Variants in RTN4 observed in about 807,000 individuals in gnomAD.
The protein encoded by RTN4 is reticulon-4.
In RTN4, 32 loss-of-function variants were observed where a neutral mutation model predicts 90.4. The observed-to-expected ratio is 0.35, with a 90% CI of 0.27 to 0.48. The LOEUF is 0.48. RTN4 is among the 20% of genes least tolerant of loss of function. The pLI is 0.99. For synonymous variants in RTN4, 629 were observed against 552.5 expected, an observed-to-expected ratio of 1.14 and a Z score of -1.94; for missense variants, 1,706 against 1,430.2, an observed-to-expected ratio of 1.19 and a Z score of -3.11.
Position 55,063,742 on chromosome 2 carries a change from G to A in RTN4, c.-63+16747C>T, listed in dbSNP as rs559191544. On this transcript the variant is annotated intron_variant, in intron 2 of 3. Transcript: ENST00000427710. The stretch of plus-strand genomic sequence containing the variant: ...CTGAAAATACAAAAATCAGCCGGGC[G>A]TGGTGGTGGGCGCCTGTAGTCCCAC... Among the ~76,000 whole-genome samples the A allele has an allele frequency of 1.9e-4, 29 of 152,138 alleles. No homozygotes were observed. In the South Asian group the frequency reaches 3.9e-3, roughly 21 times the overall value.
chr2:54,993,520 T>C (rs565212865), intron 3 of RTN4, among the ~76,000 whole-genome samples: 1 of 152,352 alleles, frequency 6.6e-6, no homozygotes, highest in Middle Eastern at 3.4e-3. Context: ...CAGTACTCAA[T>C]GATAGTAAGC....
intron 2 of RTN4, among the ~76,000 whole-genome samples, chr2:55,058,397 G>T (rs1009365125): frequency 3.9e-5 from 6 of 152,208 alleles, no homozygotes; most frequent in Admixed American, 1.3e-4. Flanking sequence ...AACTGAATGT[G>T]TAGGTGGTGA....
At chr2:55,069,668 T>A (rs952988124) in intron 2 of RTN4, among the ~76,000 whole-genome samples, 5 of 152,192 alleles carry the variant, frequency 3.3e-5, no homozygotes, top group African/African-American at 1.2e-4. Flanking sequence ...CCAAAATTAA[T>A]AATAGAAGCT....
At chr2:55,053,235 C>T (rs1177586460), upstream of RTN4, among the ~76,000 whole-genome samples, 1 of 152,114 alleles carries the variant, frequency 6.6e-6, no homozygotes, top group East Asian at 1.9e-4. Flanking sequence ...TGCTCTACCA[C>T]AATTAAAAGT....
rs959135805 is a variant in RTN4, at chr2:55,003,517, G to A, written c.3014-15819C>T. Among the ~76,000 whole-genome samples, 14 of 152,204 alleles carry A rather than the reference G, an allele frequency of 9.2e-5. No homozygotes were observed. The East Asian group carries it at 2.7e-3, about 29-fold the overall frequency. On this transcript the variant is annotated intron_variant, in intron 3 of 8. Coordinates refer to ENST00000337526, the MANE Select transcript of RTN4 (RefSeq NM_020532.5). ...ATATGTCAGCCTTATTCATGATAGAGCAGATAAATAAGTATAAATGTGGTG... is the reference window on the plus strand; with the variant it reads ...ATATGTCAGCCTTATTCATGATAGAACAGATAAATAAGTATAAATGTGGTG...
chr2:55,014,486 A>G (rs1325814596), intron 3 of RTN4: 9 of 151,922 alleles, frequency 5.9e-5, no homozygotes, highest in Non-Finnish European at 1.2e-4. Flanking sequence ...TCTTCTCTGT[A>G]TAATTCCAAT....
At chr2:55,082,906 G>A (rs778164842) in intron 1 of RTN4, among the ~76,000 whole-genome samples, 8 of 152,108 alleles carry the variant, frequency 5.3e-5, no homozygotes, top group Non-Finnish European at 1.0e-4. Context: ...CTCTGAGACC[G>A]CGCCACTGCA....
intron 1 of RTN4, among the ~76,000 whole-genome samples, chr2:55,040,149 C>G (rs1321100797): frequency 6.6e-6 from 1 of 152,094 alleles, no homozygotes; most frequent in African/African-American, 2.4e-5. Context: ...CTTCTATATT[C>G]TGATTTTCAA....
intron 5 of RTN4, among the ~76,000 whole-genome samples, chr2:54,977,301 A>T (rs1357577069): frequency 6.6e-6 from 1 of 152,152 alleles, no homozygotes; most frequent in Non-Finnish European, 1.5e-5. Context: ...AGAGCTCAAG[A>T]AACCTGAAAG....
chr2:55,105,323 A>G (rs1484940274), intron 1 of RTN4, among the ~76,000 whole-genome samples: 2 of 141,168 alleles, frequency 1.4e-5, no homozygotes, highest in African/African-American at 5.4e-5. Context: ...TCCACCTCCC[A>G]GGTTCAAGCA....
At chr2:55,109,710 A>G (rs1261611747) in intron 1 of RTN4, among the ~76,000 whole-genome samples, 2 of 152,208 alleles carry the variant, frequency 1.3e-5, no homozygotes, top group Admixed American at 6.5e-5. Flanking sequence ...GGTTTGTCCA[A>G]GAAAAAGGAG....
rs184057946 is a variant in RTN4, at chr2:55,049,507, C to T, written c.556+238G>A. 4.1e-4 allele frequency: 250 copies of T among 612,856 alleles called. No homozygotes were observed. In the African/African-American group the frequency reaches 4.5e-3, roughly 11 times the overall value. 38.0% of individuals were successfully genotyped at this position (612,856 alleles called of 1,614,324 possible). A position where few individuals can be genotyped will look rare whatever the true frequency, so the allele number is the denominator to read the frequency against. Reference sequence around the variant, plus strand: ...CATCACACAGGGTGAAAGTGGGAGCCGGGAGCGGTGCACGTGTTCCCCGAA... The same window carrying T: ...CATCACACAGGGTGAAAGTGGGAGCTGGGAGCGGTGCACGTGTTCCCCGAA... On this transcript the variant is annotated intron_variant, in intron 1 of 8. Coordinates refer to ENST00000337526, the MANE Select transcript of RTN4 (RefSeq NM_020532.5).
chr2:54,999,986 ATC>A (rs1199429110), intron 3 of RTN4, among the ~76,000 whole-genome samples: 3 of 152,156 alleles, frequency 2.0e-5, no homozygotes, highest in African/African-American at 7.2e-5. Context: ...AGATAATGTA[ATC>A]TCTGTTTCCC....
chr2:55,127,340 C>T, the RTN4 span, among the ~76,000 whole-genome samples: 1 of 152,172 alleles, frequency 6.6e-6, no homozygotes, highest in South Asian at 2.1e-4. Flanking sequence ...CACGCTTGGG[C>T]AGCTTTCATA....
rs1677130105 is a variant in RTN4 at position 54,972,455 on chromosome 2, G to GAAAACAGATGGTAGTGCTCCT, written c.*680_*700dup. The stretch of plus-strand genomic sequence containing the variant: ...TTCTATGTGTGTGGCATTTCATGTT[G>GAAAACAGATGGTAGTGCTCCT]AAAACAGATGGTAGTGCTCCTAGAA... On this transcript the variant is annotated 3_prime_UTR_variant, in exon 9 of 9. Transcript: ENST00000337526. 6.6e-6 allele frequency: 1 copy of GAAAACAGATGGTAGTGCTCCT among 152,598 alleles called. No homozygotes were observed. Among genetic ancestry groups the GAAAACAGATGGTAGTGCTCCT allele is most frequent in the Non-Finnish European group, 1.5e-5 (1 of 68,032 alleles). 9.5% of individuals were successfully genotyped at this position (152,598 alleles called of 1,614,324 possible). A position where few individuals can be genotyped will look rare whatever the true frequency, so the allele number is the denominator to read the frequency against.
At chr2:55,039,537 T>G (rs1573452830) in intron 1 of RTN4, among the ~76,000 whole-genome samples, 1 of 152,320 alleles carries the variant, frequency 6.6e-6, no homozygotes, top group East Asian at 1.9e-4. Flanking sequence ...ACCAGCACTT[T>G]GGGGGGCCGA....
At chr2:55,003,019 C>A (rs1223395111) in intron 3 of RTN4, among the ~76,000 whole-genome samples, 1 of 152,140 alleles carries the variant, frequency 6.6e-6, no homozygotes, top group Non-Finnish European at 1.5e-5. Flanking sequence ...GTCTTAGAAA[C>A]CTGAGGTTAC....
the RTN4 span, among the ~76,000 whole-genome samples, chr2:55,124,350 G>A: frequency 6.6e-6 from 1 of 152,220 alleles, no homozygotes; most frequent in Non-Finnish European, 1.5e-5. Context: ...CTTAACCAAG[G>A]AGGCAAAGTC....
In RTN4 at chr2:55,026,016, T is replaced by C. The variant is rs1266200914; in HGVS notation, c.2083A>G (p.Ile695Val). ...TTAATTAAATCACATGCAATAGATATATAAGGAGCTTCTGTTTCTTGAAGA... is the reference window on the plus strand; with the variant it reads ...TTAATTAAATCACATGCAATAGATACATAAGGAGCTTCTGTTTCTTGAAGA... ...AALQETEAPYISIACDLIKET... is the reference protein window; with the variant it reads ...AALQETEAPYVSIACDLIKET... Residue 695 changes from isoleucine to valine, a missense_variant, in exon 3 of 9, where the codon ATA (isoleucine) becomes GTA (valine). Transcript: ENST00000337526. 8 of 1,612,082 alleles carry C rather than the reference T, an allele frequency of 5.0e-6. No homozygotes were observed. The highest frequency in any genetic ancestry group is 4.0e-5 in the African/African-American group (3 of 74,780).
Sources: gnomAD v4.1 joint callset for allele counts (sites outside exome capture counted in the v4.1 genomes callset) on GRCh38, gnomAD v4.1.1 for gene constraint, MANE v1.5 for transcripts, NCBI Gene and HGNC (gene_info 2026-07-23, HGNC 2026-07-21) for gene names.